SYT6: variants seen among roughly 807,000 people sequenced by gnomAD.
The protein encoded by SYT6 is synaptotagmin-6.
A neutral mutation model predicts 38.4 loss-of-function variants in SYT6; 24 were observed. The ratio of observed to expected loss-of-function variants is 0.62; its 90% CI spans 0.45 to 0.88. The LOEUF (loss-of-function observed/expected upper bound fraction) is 0.88, where lower values mean the gene tolerates loss of function less well. SYT6 is among the 40% of genes least tolerant of loss of function. SYT6 has a pLI of 0.00. For synonymous variants in SYT6, 265 were observed against 241.9 expected (o/e 1.10, Z -0.89); for missense variants, 611 against 621.0 (o/e 0.98, Z 0.17).
intron 7 of SYT6, 136 bp from the exon 8 acceptor site, chr1:114,092,218 A>G: frequency 1.3e-6 from 1 of 799,548 alleles, no homozygotes; most frequent in South Asian, 1.8e-5. Context: ...GCTGTCAGCC[A>G]TGCAAAAACA....
At chr1:114,105,246 AG>A (rs1332397102) in intron 3 of SYT6, among the ~76,000 whole-genome samples, 3 of 152,082 alleles carry the variant, frequency 2.0e-5, no homozygotes, top group Non-Finnish European at 2.9e-5. Context: ...GGGTGACACC[AG>A]GGTTTTTGTC....
intron 1 of SYT6, among the ~76,000 whole-genome samples, chr1:114,149,194 T>TGA (rs144593044): frequency 1.1e-3 from 167 of 148,676 alleles, no homozygotes; most frequent in East Asian, 2.0e-3. Context: ...GAGGAATATC[T>TGA]GAGAGAGAGA....
chr1:114,107,356 G>A (rs899745372), intron 3 of SYT6, among the ~76,000 whole-genome samples: 3 of 152,230 alleles, frequency 2.0e-5, no homozygotes, highest in Non-Finnish European at 4.4e-5. Context: ...GGCAGCTGGC[G>A]ACATGCAGGT....
intron 4 of SYT6, 92 bp downstream of exon 4, chr1:114,103,509 G>C: frequency 6.5e-7 from 1 of 1,544,686 alleles, no homozygotes; most frequent in Non-Finnish European, 8.8e-7. Flanking sequence ...TCTATTCTAA[G>C]AATGCTGACA....
chr1:114,103,064 A>G (rs1676064100), intron 4 of SYT6, among the ~76,000 whole-genome samples: 1 of 152,238 alleles, frequency 6.6e-6, no homozygotes, highest in Non-Finnish European at 1.5e-5. Flanking sequence ...GGCTGAGGCC[A>G]GGAGGCCTGC....
chr1:114,115,559 G>T (rs969287969), intron 3 of SYT6, among the ~76,000 whole-genome samples: 21 of 152,072 alleles, frequency 1.4e-4, no homozygotes, highest in Admixed American at 1.2e-3. Flanking sequence ...TGGGATTACA[G>T]GTGCATGCCA....
At position 114,139,606 on chromosome 1, in the gene SYT6, A is replaced by ACT. The variant is rs772528650; in HGVS notation, c.512+7_512+8dup. ...TGGGGGTCAGGGAAGGGAGTGGTCC[A>ACT]CTCCTCACCTGGTGGATGACGCTGG... On this transcript the variant is annotated intron_variant, in intron 2 of 7. Transcript: ENST00000610222. The ACT allele has an allele frequency of 6.2e-7, 1 of 1,613,624 alleles. No homozygotes were observed. Among genetic ancestry groups the ACT allele is most frequent in the African/African-American group, 1.3e-5 (1 of 74,910 alleles).
At chr1:114,099,886 G>A (rs1018765711) in intron 4 of SYT6, among the ~76,000 whole-genome samples, 4 of 152,118 alleles carry the variant, frequency 2.6e-5, no homozygotes, top group African/African-American at 7.2e-5. Context: ...TCTAGAAGGC[G>A]TGAAGTGGCC....
intron 1 of SYT6, among the ~76,000 whole-genome samples, chr1:114,149,662 T>G (rs1015725675): frequency 6.6e-6 from 1 of 152,038 alleles, no homozygotes; most frequent in Admixed American, 6.5e-5. Context: ...GGATGGTAAC[T>G]GTACCTTTCT....
At chr1:114,114,271 C>A (rs564075219) in intron 3 of SYT6, among the ~76,000 whole-genome samples, 6 of 152,204 alleles carry the variant, frequency 3.9e-5, no homozygotes, top group African/African-American at 1.4e-4. Context: ...CATTCTGCCC[C>A]CTGGGTACTT....
At chr1:114,092,134 C>T (rs1675341147) in intron 7 of SYT6, 52 bp from the exon 8 acceptor site, 3 of 1,512,032 alleles carry the variant, frequency 2.0e-6, no homozygotes, top group East Asian at 2.5e-5. Flanking sequence ...ATTTACATTT[C>T]AACTTGCAAA....
At chr1:114,106,671 C>A (rs1020815318) in intron 3 of SYT6, among the ~76,000 whole-genome samples, 1 of 152,060 alleles carries the variant, frequency 6.6e-6, no homozygotes, top group African/African-American at 2.4e-5. Flanking sequence ...CTCCCCTTCT[C>A]CTCTTTGCTT....
At chr1:114,103,040 T>C (rs1454889436) in intron 4 of SYT6, among the ~76,000 whole-genome samples, 1 of 152,216 alleles carries the variant, frequency 6.6e-6, no homozygotes, top group Non-Finnish European at 1.5e-5. Flanking sequence ...ACCTAGCAGC[T>C]CTCTTGGTGC....
intron 4 of SYT6, among the ~76,000 whole-genome samples, chr1:114,100,641 A>T (rs1571821761): frequency 6.6e-6 from 1 of 152,356 alleles, no homozygotes. Context: ...CTGCTGTCTC[A>T]AACTACACAT....
chr1:114,141,865 C>T (rs1269151368), intron 1 of SYT6, among the ~76,000 whole-genome samples: 1 of 152,174 alleles, frequency 6.6e-6, no homozygotes, highest in Non-Finnish European at 1.5e-5. Flanking sequence ...TGCCTATGCT[C>T]TAAAAATGGA....
chr1:114,145,484 A>G (rs1383192876), intron 1 of SYT6, among the ~76,000 whole-genome samples: 1 of 149,986 alleles, frequency 6.7e-6, no homozygotes, highest in African/African-American at 2.5e-5. Context: ...ACAAAAAAAC[A>G]TATATTGGAG....
chr1:114,135,357 C>G (rs1469271011), intron 3 of SYT6, among the ~76,000 whole-genome samples: 7 of 152,276 alleles, frequency 4.6e-5, no homozygotes, highest in African/African-American at 1.7e-4. Flanking sequence ...TTTGCACTAC[C>G]AGCTACTGCA....
intron 3 of SYT6, among the ~76,000 whole-genome samples, chr1:114,111,411 G>A (rs1479188990): frequency 6.6e-6 from 1 of 152,186 alleles, no homozygotes; most frequent in East Asian, 1.9e-4. Flanking sequence ...CCAGGATGTG[G>A]ACGGAAGCTT....
chr1:114,147,172 C>T (rs539731997), intron 1 of SYT6, among the ~76,000 whole-genome samples: 5 of 152,274 alleles, frequency 3.3e-5, no homozygotes, highest in South Asian at 2.1e-4. Flanking sequence ...TATCTTGAGA[C>T]GTAACACAAA....
Sources: allele counts gnomAD v4.1 joint callset (sites outside exome capture counted in the v4.1 genomes callset), GRCh38; gene constraint gnomAD v4.1.1; transcripts MANE v1.5; gene names NCBI Gene and HGNC (gene_info 2026-07-23, HGNC 2026-07-21).